The following MED14 variants were observed in gnomAD, a reference collection of about 807,000 sequenced individuals.
MED14 encodes mediator complex subunit 14.
In MED14, 8 loss-of-function variants were observed where a neutral mutation model predicts 109.0. That is an observed-to-expected ratio of 0.07 (90% CI 0.04 to 0.13). MED14 has a LOEUF of 0.13. Ranked by LOEUF, MED14 falls within the 10% of genes least tolerant of loss-of-function variation. MED14 has a pLI of 1.00. For synonymous variants in MED14, 399 were observed against 408.7 expected, an observed-to-expected ratio of 0.98 and a Z score of 0.29; for missense variants, 711 against 1,142.4, an observed-to-expected ratio of 0.62 and a Z score of 5.44.
intron 5 of MED14, 81 bp from the exon 6 acceptor site, chrX:40,713,123 T>TC: frequency 1.0e-6 from 1 of 967,317 alleles, no homozygotes; most frequent in Non-Finnish European, 1.4e-6. Context: ...GAATTTTCAG[T>TC]CTTACTTATA....
rs751160092 is a variant in MED14 at position 40,659,553 on chromosome X, G to T, written c.3739C>A (p.Leu1247Met). 2 of 1,210,898 alleles carry T rather than the reference G, an allele frequency of 1.7e-6. No individual in the cohort carries two copies. Among genetic ancestry groups the T allele is most frequent in the East Asian group, 5.9e-5 (2 of 33,870 alleles). Residue 1247 changes from leucine (L) to methionine (M), a missense_variant, in exon 27 of 31, where the codon CTG becomes ATG. Leu to Met is a conservative substitution (Grantham distance 15). Transcript: ENST00000324817. ...PGVIMFKTDA[L>M]KCRVALSPKT... ...GGACTAAGAGCTACTCTGCATTTCA[G>T]TGCATCAGTCTTAAACATGATCACT...
chrX:40,734,779 ACGT>A (rs1932195086), intron 1 of MED14, among the ~76,000 whole-genome samples: 1 of 112,867 alleles, frequency 8.9e-6, no homozygotes, highest in African/African-American at 3.2e-5. Flanking sequence ...TTTATACACA[ACGT>A]ATGTAGCTCC....
At chrX:40,721,081 G>A (rs1169267078) in intron 3 of MED14, among the ~76,000 whole-genome samples, 3 of 111,305 alleles carry the variant, frequency 2.7e-5, no homozygotes, top group South Asian at 7.5e-4. Flanking sequence ...TGGTGGCTAT[G>A]GTGAAAGACT....
intron 12 of MED14, among the ~76,000 whole-genome samples, chrX:40,700,261 TAGA>T (rs754038210): frequency 7.7e-5 from 8 of 103,320 alleles, no homozygotes; most frequent in Non-Finnish European, 1.2e-4. Context: ...GAGGCTGAAG[TAGA>T]AGAATCGCTT....
chrX:40,730,363 CCT>C (rs1232058079), intron 1 of MED14, among the ~76,000 whole-genome samples: 1 of 111,513 alleles, frequency 9.0e-6, no homozygotes, highest in Non-Finnish European at 1.9e-5. Context: ...AAATTAAGGC[CCT>C]GTTAGAAGAC....
intron 15 of MED14, among the ~76,000 whole-genome samples, chrX:40,689,354 A>G (rs113491754): frequency 0.014 from 1,515 of 111,974 alleles, 24 homozygotes; most frequent in African/African-American, 0.045. Flanking sequence ...AAGGAAATGA[A>G]GTGTGGGCCA....
chrX:40,712,455 C>T (rs764789534), intron 6 of MED14, among the ~76,000 whole-genome samples, 162 bp from the exon 7 acceptor site: 13 of 112,199 alleles, frequency 1.2e-4, no homozygotes, highest in African/African-American at 2.9e-4. Flanking sequence ...GAAACTTCCA[C>T]GGTCAACAGG....
In MED14 at chrX:40,701,297, T is replaced by C; in HGVS notation, c.1412-54A>G. Reference sequence around the variant, plus strand: ...TTGCTTATATGAGAAACAAAATCTTTATCTAGGTAGTGTAAAACAAATAAA... The same window carrying C: ...TTGCTTATATGAGAAACAAAATCTTCATCTAGGTAGTGTAAAACAAATAAA... On this transcript the variant is annotated intron_variant, in intron 11 of 30. Coordinates refer to ENST00000324817, the MANE Select transcript of MED14 (RefSeq NM_004229.4). 1.8e-5 allele frequency: 14 copies of C among 764,790 alleles called. No individual in the cohort carries two copies. The South Asian group carries it at 3.8e-4, about 21-fold the overall frequency. 63.0% of individuals were successfully genotyped at this position (764,790 alleles called of 1,213,427 possible).
Position 40,648,952 on chromosome X carries a change from A to C in MED14, c.*2854T>G, listed in dbSNP as rs1455445385. On this transcript the variant is annotated 3_prime_UTR_variant, in exon 31 of 31. Transcript: ENST00000324817. Reference sequence around the variant, plus strand: ...AATTCCACAAGAAACAATGAAATACACATTAACATTTTCCCTCTATGTCCC... The same window carrying C: ...AATTCCACAAGAAACAATGAAATACCCATTAACATTTTCCCTCTATGTCCC... 8.9e-6 allele frequency: 1 copy of C among 112,518 alleles called. No individual in the cohort carries two copies. Among genetic ancestry groups the C allele is most frequent in the Non-Finnish European group, 1.9e-5 (1 of 53,342 alleles). 9.3% of individuals were successfully genotyped at this position (112,518 alleles called of 1,213,427 possible). A position where few individuals can be genotyped will look rare whatever the true frequency, so the allele number is the denominator to read the frequency against.
chrX:40,661,455 G>A (rs185755183), intron 26 of MED14, among the ~76,000 whole-genome samples: 4 of 111,098 alleles, frequency 3.6e-5, no homozygotes, highest in East Asian at 2.8e-4. Flanking sequence ...CAAGTGATCC[G>A]CCCGCCTCAG....
chrX:40,666,643 A>T, intron 24 of MED14, 77 bp downstream of exon 24: 1 of 1,042,109 alleles, frequency 9.6e-7, no homozygotes, highest in Admixed American at 2.7e-5. Context: ...TTAATTTTGC[A>T]ATGAAAAAAT....
intron 3 of MED14, among the ~76,000 whole-genome samples, chrX:40,718,008 A>C (rs1041454587): frequency 2.2e-4 from 25 of 112,336 alleles, no homozygotes; most frequent in Admixed American, 1.9e-4. Flanking sequence ...AGGAAGTACA[A>C]CCAGATAATT....
chrX:40,726,666 A>G, intron 3 of MED14, 80 bp downstream of exon 3: 1 of 766,443 alleles, frequency 1.3e-6, no homozygotes. Context: ...GGGATAAGTT[A>G]AAGCTAAAAT....
chrX:40,658,985 C>T (rs1033780481), intron 28 of MED14, among the ~76,000 whole-genome samples: 3 of 111,868 alleles, frequency 2.7e-5, no homozygotes, highest in Non-Finnish European at 5.6e-5. Context: ...ATAGAGGGGA[C>T]AGGGATAGCT....
intron 13 of MED14, among the ~76,000 whole-genome samples, chrX:40,696,493 T>C (rs1441166558): frequency 9.1e-6 from 1 of 110,438 alleles, no homozygotes; most frequent in Non-Finnish European, 1.9e-5. Context: ...TTTAAAATTA[T>C]TGCAAATTTT....
rs1007241402 is a variant in MED14 at position 40,708,536 on chromosome X, C to T, written c.1285+812G>A. On this transcript the variant is annotated intron_variant, in intron 10 of 30. Coordinates refer to ENST00000324817, the MANE Select transcript of MED14 (RefSeq NM_004229.4). ...TTCGTTACTAGCACTATTAAGACTT[C>T]CTACTTATAAGGCACTTCACTTACG... Among the ~76,000 whole-genome samples the T allele has an allele frequency of 4.5e-5, 5 of 112,137 alleles. No homozygotes were observed. The Admixed American group carries it at 4.8e-4, about 11-fold the overall frequency.
chrX:40,723,434 G>C (rs904154984), intron 3 of MED14, among the ~76,000 whole-genome samples: 1 of 110,600 alleles, frequency 9.0e-6, no homozygotes, highest in African/African-American at 3.3e-5. Context: ...GAGAAGCCGA[G>C]GCAGGTGGAT....
intron 10 of MED14, among the ~76,000 whole-genome samples, chrX:40,704,050 A>G (rs961018773): frequency 8.9e-6 from 1 of 112,272 alleles, no homozygotes; most frequent in African/African-American, 3.2e-5. Context: ...ATTAGAGCCC[A>G]TGTGTTTAAA....
At chrX:40,717,421 A>C in intron 3 of MED14, among the ~76,000 whole-genome samples, 1 of 111,760 alleles carries the variant, frequency 8.9e-6, no homozygotes, top group South Asian at 3.7e-4. Context: ...TACCCAATGC[A>C]TTTCATAAGG....
Sources: allele counts gnomAD v4.1 joint callset (sites outside exome capture counted in the v4.1 genomes callset), GRCh38; gene constraint gnomAD v4.1.1; transcripts MANE v1.5; gene names NCBI Gene and HGNC (gene_info 2026-07-23, HGNC 2026-07-21).